The following ETFA variants were observed in gnomAD, a reference collection of about 807,000 sequenced individuals.
ETFA encodes electron transfer flavoprotein subunit alpha, mitochondrial.
A neutral mutation model predicts 46.2 loss-of-function variants in ETFA; 22 were observed. The ratio of observed to expected loss-of-function variants is 0.48; its 90% confidence interval spans 0.34 to 0.68. ETFA has a LOEUF of 0.68. Ranked by LOEUF, ETFA falls within the 30% of genes least tolerant of loss-of-function variation. The pLI is 0.01. For missense variants in ETFA, 345 were observed against 401.1 expected (o/e 0.86, Z 1.19); for synonymous variants, 131 against 139.9 (o/e 0.94, Z 0.45).
intron 9 of ETFA, among the ~76,000 whole-genome samples, chr15:76,257,721 A>G (rs2039359058): frequency 6.6e-6 from 1 of 152,038 alleles, no homozygotes. Flanking sequence ...ATGCACACGT[A>G]TGTTTATTGC....
chr15:76,222,448 T>C (rs1596186667), intron 11 of ETFA, among the ~76,000 whole-genome samples: 1 of 152,318 alleles, frequency 6.6e-6, no homozygotes, highest in Middle Eastern at 3.4e-3. Flanking sequence ...TTGTCTGTGC[T>C]CTTGTGTCAG....
intron 9 of ETFA, among the ~76,000 whole-genome samples, chr15:76,251,622 CTG>C (rs1425493927): frequency 2.6e-5 from 4 of 152,122 alleles, no homozygotes. Context: ...GTAGTACAGA[CTG>C]TCTCAGGAAA....
intron 4 of ETFA, among the ~76,000 whole-genome samples, chr15:76,291,051 AC>A (rs1401300539): frequency 6.6e-6 from 1 of 152,200 alleles, no homozygotes; most frequent in African/African-American, 2.4e-5. Context: ...CTACATCGAT[AC>A]AAAAAATTTG....
At chr15:76,232,842 T>G (rs1346096928) in intron 9 of ETFA, among the ~76,000 whole-genome samples, 1 of 152,198 alleles carries the variant, frequency 6.6e-6, no homozygotes, top group African/African-American at 2.4e-5. Context: ...GGAGAACCAC[T>G]ACAATAAGTG....
At chr15:76,310,909 T>G (rs1162339300) in intron 1 of ETFA, among the ~76,000 whole-genome samples, 1 of 150,448 alleles carries the variant, frequency 6.6e-6, no homozygotes, top group African/African-American at 2.5e-5. Flanking sequence ...CCCAAAGTGT[T>G]TAATTCTTCC....
intron 9 of ETFA, among the ~76,000 whole-genome samples, chr15:76,267,311 C>A (rs563435354): frequency 6.6e-6 from 1 of 152,154 alleles, no homozygotes; most frequent in Non-Finnish European, 1.5e-5. Context: ...GTAGGACAAG[C>A]GAGGCTGCGC....
chr15:76,301,330 G>A (rs532612434), intron 1 of ETFA, among the ~76,000 whole-genome samples: 1 of 152,298 alleles, frequency 6.6e-6, no homozygotes, highest in South Asian at 2.1e-4. Flanking sequence ...CAGGAGCAAT[G>A]TCTGATATTT....
chr15:76,307,047 A>G (rs1233422983), intron 1 of ETFA, among the ~76,000 whole-genome samples: 1 of 152,248 alleles, frequency 6.6e-6, no homozygotes, highest in African/African-American at 2.4e-5. Flanking sequence ...ATAGCTTCTC[A>G]GTCCTGATAG....
intron 4 of ETFA, among the ~76,000 whole-genome samples, chr15:76,290,164 T>C (rs561967684): frequency 7.5e-4 from 114 of 152,300 alleles, no homozygotes; most frequent in African/African-American, 2.6e-3. Context: ...TAGAACTCTA[T>C]TGTAAATAAA....
At chr15:76,309,857 A>G (rs1274330603) in intron 1 of ETFA, 1 of 152,182 alleles carries the variant, frequency 6.6e-6, no homozygotes, top group Non-Finnish European at 1.5e-5. Flanking sequence ...ACAGGACACT[A>G]ACCTGAAAGA....
At chr15:76,301,276 CATATTCACCTGATT>C (rs1174239422) in intron 1 of ETFA, among the ~76,000 whole-genome samples, 2 of 152,216 alleles carry the variant, frequency 1.3e-5, no homozygotes, top group African/African-American at 4.8e-5. Flanking sequence ...CACACCTGAT[CATATTCACCTGATT>C]GTCTTCTCGT....
intron 9 of ETFA, among the ~76,000 whole-genome samples, chr15:76,250,708 T>C (rs1449264855): frequency 6.6e-6 from 1 of 151,878 alleles, no homozygotes; most frequent in Non-Finnish European, 1.5e-5. Context: ...AAATTTTTTT[T>C]TTTTTTAAAG....
chr15:76,222,018 A>T (rs1027830969), intron 11 of ETFA, among the ~76,000 whole-genome samples: 3 of 152,054 alleles, frequency 2.0e-5, no homozygotes, highest in African/African-American at 7.2e-5. Context: ...TTGCAATTTA[A>T]AATTTTCACA....
intron 11 of ETFA, among the ~76,000 whole-genome samples, chr15:76,222,931 C>T (rs2038971855): frequency 6.6e-6 from 1 of 151,728 alleles, no homozygotes; most frequent in South Asian, 2.1e-4. Context: ...ATCTCCTGGG[C>T]CCACGTGAAC....
intron 9 of ETFA, chr15:76,259,645 C>T: frequency 3.3e-6 from 3 of 910,470 alleles, no homozygotes; most frequent in South Asian, 2.6e-5. Flanking sequence ...AATTTGGAGG[C>T]ACAGCCCTAA....
intron 9 of ETFA, among the ~76,000 whole-genome samples, chr15:76,258,553 A>C (rs1421086023): frequency 6.6e-6 from 1 of 152,210 alleles, no homozygotes; most frequent in Non-Finnish European, 1.5e-5. Flanking sequence ...TGGATATTTA[A>C]ACCCCGAGGG....
In ETFA at chr15:76,307,402, T is replaced by G. The variant is rs187874326; in HGVS notation, c.39+3948A>C. On this transcript the variant is annotated intron_variant, in intron 1 of 11. Coordinates refer to ENST00000557943, the MANE Select transcript of ETFA (RefSeq NM_000126.4). ...AATCAGTCAGAACTAAAAATGGAAC[T>G]TAGATACCAAATGCAAGTCATTGAA... Among the ~76,000 whole-genome samples, 184 of 152,230 alleles carry G rather than the reference T, an allele frequency of 1.2e-3. 1 individual carries two copies. The highest frequency in any genetic ancestry group is 0.01 in the Middle Eastern group (3 of 294).
In ETFA at chr15:76,259,711, G is replaced by A. The variant is rs79619806; in HGVS notation, c.816+14701C>T. 427 of 1,250,386 alleles carry A rather than the reference G, an allele frequency of 3.4e-4. 1 individual carries two copies. The highest frequency in any genetic ancestry group is 6.6e-4 in the Admixed American group (36 of 54,440). The allele number at this position is 1,250,386 out of a possible 1,614,324, so 77.5% of individuals were successfully genotyped here. A position where few individuals can be genotyped will look rare whatever the true frequency, so the allele number is the denominator to read the frequency against. ...AGAGTCCAAAGTCAGCCACACACAC[G>A]GTCATGTCCCCTGCCAGCATGCAGT... On this transcript the variant is annotated intron_variant, in intron 9 of 11. Transcript: ENST00000557943.
chr15:76,279,721 T>C (rs1345292806), intron 8 of ETFA, among the ~76,000 whole-genome samples: 2 of 152,130 alleles, frequency 1.3e-5, no homozygotes, highest in Non-Finnish European at 2.9e-5. Flanking sequence ...GCAGTGTGTG[T>C]CATAGTTGAT....
Sources: gnomAD v4.1 joint callset for allele counts (sites outside exome capture counted in the v4.1 genomes callset) on GRCh38, gnomAD v4.1.1 for gene constraint, MANE v1.5 for transcripts, NCBI Gene and HGNC (gene_info 2026-07-23, HGNC 2026-07-21) for gene names.